MYH2: variants seen among roughly 807,000 people sequenced by gnomAD.
MYH2 encodes myosin-2.
Under a neutral mutation model 228.1 loss-of-function variants are expected in MYH2, and 139 were observed. The ratio of observed to expected loss-of-function variants is 0.61; its 90% CI spans 0.53 to 0.70. The LOEUF (loss-of-function observed/expected upper bound fraction) is 0.70. Among genes scored for constraint, MYH2 ranks in the 30% least tolerant of loss-of-function variants. The pLI is 0.00. For synonymous variants in MYH2, 796 were observed against 871.1 expected (o/e 0.91, Z 1.52); for missense variants, 1,809 against 2,357.5 (o/e 0.77, Z 4.82).
intron 19 of MYH2, among the ~76,000 whole-genome samples, 195 bp from the exon 20 acceptor site, chr17:10,533,827 C>G (rs2073452840): frequency 6.6e-6 from 1 of 152,154 alleles, no homozygotes; most frequent in African/African-American, 2.4e-5. Context: ...CTCGCAGTTG[C>G]AACTTTCCTT....
chr17:10,534,712 T>C (rs1370912173), intron 19 of MYH2, among the ~76,000 whole-genome samples: 2 of 151,920 alleles, frequency 1.3e-5, no homozygotes, highest in Admixed American at 1.3e-4. Flanking sequence ...AGGTCAGGAG[T>C]TTGAGACTAG....
At position 10,526,609 on chromosome 17, in the gene MYH2, C is replaced by T. The variant is rs1464620153; in HGVS notation, c.4177G>A (p.Glu1393Lys). ...TATCTGTGCACATACTTGGCCTCCTCCAGCTCCTCTGTGCGCTGGATGGCG... is the reference window on the plus strand; with the variant it reads ...TATCTGTGCACATACTTGGCCTCCTTCAGCTCCTCTGTGCGCTGGATGGCG... ...TDAIQRTEELEEAKKKLAQRL... is the reference protein window; with the variant it reads ...TDAIQRTEELKEAKKKLAQRL... Residue 1393 changes from glutamate (E) to lysine (K), a missense_variant, in exon 30 of 40, where the codon GAG (glutamate) becomes AAG (lysine). Physicochemically the swap from Glu to Lys is moderately conservative, Grantham distance 56. Coordinates refer to ENST00000245503, the MANE Select transcript of MYH2 (RefSeq NM_017534.6). The T allele has an allele frequency of 1.9e-6, 3 of 1,614,010 alleles. No homozygotes were observed. Among genetic ancestry groups the T allele is most frequent in the East Asian group, 4.5e-5 (2 of 44,882 alleles).
chr17:10,525,940 C>T lies in MYH2; in HGVS notation c.4188-64G>A. 1 of 1,549,030 alleles carries T rather than the reference C, an allele frequency of 6.5e-7. No homozygotes were observed. Among genetic ancestry groups the T allele is most frequent in the Non-Finnish European group, 8.9e-7 (1 of 1,128,796 alleles). On this transcript the variant is annotated intron_variant, in intron 30 of 39. Transcript: ENST00000245503. This position sits in a 1 kb window ranked among gnomAD's most constrained non-coding sequence, Gnocchi z 4.2. ...TAATATGAATTATGAGCTATTGCCA[C>T]ACACGCTGAAGAGTGTTAGAAACTT...
rs547245351 is a variant in MYH2 at position 10,540,514 on chromosome 17, T to C, written c.1008+80A>G. ...TCCTGGAATCTTCTTTTGCCATTTCTACTAGACACTGAATATTTATCTGGA... is the reference window on the plus strand; with the variant it reads ...TCCTGGAATCTTCTTTTGCCATTTCCACTAGACACTGAATATTTATCTGGA... On this transcript the variant is annotated intron_variant, in intron 11 of 39. Coordinates refer to ENST00000245503, the MANE Select transcript of MYH2 (RefSeq NM_017534.6). 5 of 1,234,392 alleles carry C rather than the reference T, an allele frequency of 4.1e-6. No homozygotes were observed. The African/African-American group carries it at 7.4e-5, about 18-fold the overall frequency. 76.5% of individuals were successfully genotyped at this position (1,234,392 alleles called of 1,614,324 possible). A position where few individuals can be genotyped will look rare whatever the true frequency, so the allele number is the denominator to read the frequency against.
chr17:10,531,342 C>T (rs1230195348), intron 22 of MYH2, among the ~76,000 whole-genome samples: 3 of 152,136 alleles, frequency 2.0e-5, no homozygotes, highest in Admixed American at 1.3e-4. Flanking sequence ...ATATTAAAAT[C>T]ATTTTTATGG....
At chr17:10,521,534 C>A (rs1378410669) in intron 39 of MYH2, 102 bp from the exon 40 acceptor site, 1 of 1,070,296 alleles carries the variant, frequency 9.3e-7, no homozygotes, top group African/African-American at 1.6e-5. Flanking sequence ...GAAGCAACAT[C>A]TAGGGATTAT....
At chr17:10,541,107 C>G (rs1476643198) in intron 10 of MYH2, among the ~76,000 whole-genome samples, 2 of 152,082 alleles carry the variant, frequency 1.3e-5, no homozygotes, top group Non-Finnish European at 2.9e-5. Flanking sequence ...GTTCGTAAAG[C>G]ATGTGTGTTT....
At chr17:10,541,235 T>G (rs2073549973) in intron 10 of MYH2, among the ~76,000 whole-genome samples, 1 of 152,224 alleles carries the variant, frequency 6.6e-6, no homozygotes, top group East Asian at 1.9e-4. Context: ...ACAGCCATAT[T>G]TCTCTTCTTT....
intron 28 of MYH2, 36 bp downstream of exon 28, chr17:10,527,712 T>C: frequency 6.2e-7 from 1 of 1,613,516 alleles, no homozygotes; most frequent in Admixed American, 1.7e-5. Flanking sequence ...TCACATCCTC[T>C]CCACCCTGAA....
At chr17:10,547,108 G>A (rs1388895030) in intron 4 of MYH2, among the ~76,000 whole-genome samples, 2 of 152,024 alleles carry the variant, frequency 1.3e-5, no homozygotes, top group South Asian at 4.1e-4. Context: ...AATTAAAATA[G>A]TTTAAAGTGT....
chr17:10,526,670 G>A lies in MYH2; in HGVS notation c.4116C>T (p.Thr1372=), dbSNP rs767977558. The stretch of plus-strand genomic sequence containing the variant: ...ATTTGGTCCTCCATTGGGCAACCTC[G>A]GTGTTGGCCTTGGACAGTGCTCTCT... ...ELQRALSKAN[T]EVAQWRTKYE... is the part of the protein sequence containing the mutation. The change falls in exon 30 of 40, where the codon ACC becomes ACT. Residue 1372 remains threonine, a synonymous_variant. Coordinates refer to ENST00000245503, the MANE Select transcript of MYH2 (RefSeq NM_017534.6). 4.3e-6 allele frequency: 7 copies of A among 1,614,030 alleles called. No homozygotes were observed. The highest frequency in any genetic ancestry group is 4.2e-6 in the Non-Finnish European group (5 of 1,179,914).
At position 10,528,917 on chromosome 17, in the gene MYH2, G is replaced by T. The variant is rs767243766; in HGVS notation, c.3517C>A (p.Arg1173=). The T allele has an allele frequency of 3.2e-5, 52 of 1,614,026 alleles. No individual in the cohort carries two copies. The highest frequency in any genetic ancestry group is 4.4e-5 in the Non-Finnish European group (52 of 1,180,048). The stretch of plus-strand genomic sequence containing the variant: ...CGCATTTTCTGGAACTCAGCCTCCC[G>T]CTTCTTGTTCATCTCAATCTGGGCT... ...TSAQIEMNKK[R]EAEFQKMRRD... is the part of the protein sequence containing the mutation. The change falls in exon 27 of 40, where the codon CGG becomes AGG. Residue 1173 remains arginine, a synonymous_variant. Transcript: ENST00000245503.
chr17:10,547,046 G>A (rs61221215), intron 4 of MYH2, among the ~76,000 whole-genome samples: 53,609 of 151,890 alleles, frequency 0.35, 10,435 homozygotes, highest in East Asian at 0.8. Flanking sequence ...AGCCGAGATC[G>A]CACCACTGCA....
chr17:10,523,621 C>T lies in MYH2; in HGVS notation c.5347G>A (p.Ala1783Thr), dbSNP rs759668950. 2.0e-5 allele frequency: 33 copies of T among 1,614,080 alleles called. No homozygotes were observed. The highest frequency in any genetic ancestry group is 5.0e-5 in the Admixed American group (3 of 60,000). ...TTCTTCTTCATCCGCTCCAGGTGGG[C>T]GCTGGTGTCCTGCTCCTTCTTCAGC... ...EELKKEQDTS[A>T]HLERMKKNME... Residue 1783 changes from alanine (A) to threonine (T), a missense_variant, in exon 37 of 40, where the codon GCC (alanine) becomes ACC (threonine). This residue lies in a region of MYH2 where 278 missense variants were observed against 308.5 expected (regional missense o/e 0.90). Coordinates refer to ENST00000245503, the MANE Select transcript of MYH2 (RefSeq NM_017534.6).
At chr17:10,533,732 ATAT>A (rs2073451835) in intron 19 of MYH2, 100 bp from the exon 20 acceptor site, 3 of 1,450,706 alleles carry the variant, frequency 2.1e-6, no homozygotes, top group South Asian at 2.4e-5. Context: ...CTTTAAAAAA[ATAT>A]TATTCTTTGT....
chr17:10,522,096 G>T (rs2073291698), intron 39 of MYH2, among the ~76,000 whole-genome samples: 1 of 152,116 alleles, frequency 6.6e-6, no homozygotes, highest in Non-Finnish European at 1.5e-5. Context: ...GGCAGGTTTT[G>T]GTATGAGGGT....
rs777266089 is a variant in MYH2 at position 10,527,039 on chromosome 17, G to C, written c.3889C>G (p.Leu1297Val). Residue 1297 changes from leucine (L) to valine (V), a missense_variant, in exon 29 of 40, where the codon CTT becomes GTT. Physicochemically the swap from Leu to Val is conservative, Grantham distance 32. Transcript: ENST00000245503. ...QTESGEFSRQ[L>V]DEKEALVSQL... ...GACACCAGAGCTTCCTTTTCATCAA[G>C]CTGGCGTGAAAACTCACCTGATGGA... 38 of 1,614,072 alleles carry C rather than the reference G, an allele frequency of 2.4e-5. No homozygotes were observed. Among genetic ancestry groups the C allele is most frequent in the Admixed American group, 1.2e-4 (7 of 60,020 alleles).
Position 10,532,872 on chromosome 17 carries a change from T to C in MYH2, c.2441+413A>G, listed in dbSNP as rs1420873646. ...CCCTAATATTTTAAATCATGAGAGT[T>C]TGATAATATAAATGATCAGAGGGAA... On this transcript the variant is annotated intron_variant, in intron 21 of 39. Coordinates refer to ENST00000245503, the MANE Select transcript of MYH2 (RefSeq NM_017534.6). Among the ~76,000 whole-genome samples the C allele has an allele frequency of 2.0e-5, 3 of 152,224 alleles. No homozygotes were observed. In the South Asian group the frequency reaches 6.2e-4, roughly 32 times the overall value.
chr17:10,547,661 C>G (rs746111330), intron 3 of MYH2, 43 bp from the exon 4 acceptor site: 2 of 1,613,948 alleles, frequency 1.2e-6, no homozygotes, highest in African/African-American at 2.7e-5. Context: ...ATTGAGTGAC[C>G]AAACAACAAC....
Sources: gnomAD v4.1 joint callset for allele counts (sites outside exome capture counted in the v4.1 genomes callset) on GRCh38, gnomAD v4.1.1 for gene constraint, gnomAD v4.1.1 regional missense constraint, Gnocchi (gnomAD v3.1) non-coding constraint, MANE v1.5 for transcripts, NCBI Gene and HGNC (gene_info 2026-07-23, HGNC 2026-07-21) for gene names.